Variants in ELMO1 observed in about 807,000 individuals in gnomAD.
The protein encoded by ELMO1 is engulfment and cell motility protein 1.
In ELMO1, 26 loss-of-function variants were observed where a neutral mutation model predicts 98.9. That is an observed-to-expected ratio of 0.26 (90% CI 0.19 to 0.36). ELMO1 has a LOEUF of 0.36. Ranked by LOEUF, ELMO1 falls within the 10% of genes least tolerant of loss-of-function variation. The probability of loss-of-function intolerance (pLI) is 1.00; values close to 1 mark genes in which losing one functional copy is unlikely to be tolerated. For missense variants in ELMO1, 627 were observed against 935.2 expected (o/e 0.67, Z 4.30); for synonymous variants, 346 against 346.0 (o/e 1.00, Z 0.00).
At chr7:37,256,385 G>A (rs1020508337) in intron 6 of ELMO1, among the ~76,000 whole-genome samples, 3 of 151,866 alleles carry the variant, frequency 2.0e-5, no homozygotes, top group Non-Finnish European at 4.4e-5. Flanking sequence ...ACTTGACTGC[G>A]AGTTAAGATC....
chr7:37,117,775 A>G (rs1178675088), intron 14 of ELMO1, among the ~76,000 whole-genome samples: 1 of 152,242 alleles, frequency 6.6e-6, no homozygotes, highest in Non-Finnish European at 1.5e-5. Context: ...TAAATGAATT[A>G]TGAGACAAAG....
chr7:37,426,988 T>C (rs1409307032), intron 1 of ELMO1, among the ~76,000 whole-genome samples: 1 of 151,740 alleles, frequency 6.6e-6, no homozygotes, highest in Non-Finnish European at 1.5e-5. Flanking sequence ...CCAAGATCCT[T>C]CTGCTAAAAA....
intron 1 of ELMO1, chr7:37,375,875 C>A (rs2131370619): frequency 8.6e-6 from 6 of 693,908 alleles, no homozygotes; most frequent in Middle Eastern, 3.8e-4. Flanking sequence ...GCAAGACTCA[C>A]AAGAGGGGAA....
chr7:36,975,654 C>A (rs1790464623), intron 16 of ELMO1, among the ~76,000 whole-genome samples: 1 of 151,956 alleles, frequency 6.6e-6, no homozygotes, highest in East Asian at 1.9e-4. Context: ...CAAGAGCAAC[C>A]TGACCAACAT....
At chr7:36,857,265 G>A (rs558138618) in intron 21 of ELMO1, among the ~76,000 whole-genome samples, 2 of 152,306 alleles carry the variant, frequency 1.3e-5, no homozygotes, top group African/African-American at 4.8e-5. Context: ...TTCTGAACAT[G>A]TCTAACCATC....
At chr7:37,252,331 A>G (rs554659266) in intron 6 of ELMO1, among the ~76,000 whole-genome samples, 73 of 152,240 alleles carry the variant, frequency 4.8e-4, no homozygotes, top group Non-Finnish European at 9.3e-4. Context: ...ACTTCAAACT[A>G]TACTACAAGG....
At chr7:36,951,977 G>C (rs892653652) in intron 16 of ELMO1, among the ~76,000 whole-genome samples, 1 of 152,198 alleles carries the variant, frequency 6.6e-6, no homozygotes, top group African/African-American at 2.4e-5. Flanking sequence ...TGAAGTCAAA[G>C]ACCTCTATGT....
chr7:37,415,679 A>G (rs1804185507), intron 1 of ELMO1, among the ~76,000 whole-genome samples: 1 of 152,230 alleles, frequency 6.6e-6, no homozygotes. Flanking sequence ...TTGATACTGG[A>G]AAAGAAAATA....
intron 1 of ELMO1, among the ~76,000 whole-genome samples, chr7:37,435,953 C>A (rs1057185671): frequency 6.6e-6 from 1 of 152,194 alleles, no homozygotes; most frequent in African/African-American, 2.4e-5. Context: ...TCCAGTGTAG[C>A]AGGTTCAACT....
At chr7:37,384,115 G>A (rs1204424599) in intron 1 of ELMO1, among the ~76,000 whole-genome samples, 2 of 151,924 alleles carry the variant, frequency 1.3e-5, no homozygotes, top group African/African-American at 2.4e-5. Context: ...GTGCCCGGCC[G>A]AAACATACAG....
Position 36,942,947 on chromosome 7 carries a change from C to G in ELMO1, c.1438-47930G>C, listed in dbSNP as rs184561583. Among the ~76,000 whole-genome samples, 711 of 152,362 alleles carry G rather than the reference C, an allele frequency of 4.7e-3. 6 individuals carry two copies. The highest frequency in any genetic ancestry group is 7.8e-3 in the Non-Finnish European group (528 of 68,026). On this transcript the variant is annotated intron_variant, in intron 16 of 21. Coordinates refer to ENST00000310758, the MANE Select transcript of ELMO1 (RefSeq NM_014800.11). ...GGCAGTCCTGACAGCACGCCACTGA[C>G]AGCTTCCAGAATTCTCATGCAGCAA...
rs559180604 is a variant in ELMO1, at chr7:37,432,766, C to T, written c.-74+15909G>A. Among the ~76,000 whole-genome samples, 9 of 152,304 alleles carry T rather than the reference C, an allele frequency of 5.9e-5. No homozygotes were observed. The South Asian group carries it at 1.0e-3, about 18-fold the overall frequency. On this transcript the variant is annotated intron_variant, in intron 1 of 21. Transcript: ENST00000310758. Reference sequence around the variant, plus strand: ...GGGGAGGGAGGGAGGAAAAAACAGACGCTTCAAATTCAACACTGGCTGAAC... The same window carrying T: ...GGGGAGGGAGGGAGGAAAAAACAGATGCTTCAAATTCAACACTGGCTGAAC...
At chr7:36,997,471 T>C (rs932700360) in intron 16 of ELMO1, among the ~76,000 whole-genome samples, 25 of 152,020 alleles carry the variant, frequency 1.6e-4, no homozygotes, top group African/African-American at 5.8e-4. Flanking sequence ...GGTGAATCAG[T>C]AGGACTTGGG....
intron 5 of ELMO1, among the ~76,000 whole-genome samples, chr7:37,265,906 G>A (rs986547992): frequency 1.3e-5 from 2 of 152,090 alleles, no homozygotes; most frequent in South Asian, 4.1e-4. Flanking sequence ...CCAGAGCACC[G>A]GGAGGAACAG....
chr7:36,875,039 C>T (rs1311192662), intron 19 of ELMO1, among the ~76,000 whole-genome samples: 1 of 152,184 alleles, frequency 6.6e-6, no homozygotes, highest in African/African-American at 2.4e-5. Context: ...TCAAGGGGCA[C>T]AAGACACTCT....
At chr7:37,328,786 T>C (rs1477807812) in intron 2 of ELMO1, among the ~76,000 whole-genome samples, 1 of 152,158 alleles carries the variant, frequency 6.6e-6, no homozygotes, top group South Asian at 2.1e-4. Context: ...CAAATCACCA[T>C]CTCCAACCCC....
At chr7:37,437,047 G>T (rs1440156263) in intron 1 of ELMO1, among the ~76,000 whole-genome samples, 2 of 152,086 alleles carry the variant, frequency 1.3e-5, no homozygotes, top group Admixed American at 6.5e-5. Context: ...GGTTCCAAAC[G>T]ATTGAAAAAG....
intron 1 of ELMO1, among the ~76,000 whole-genome samples, chr7:37,355,112 C>G (rs77144276): frequency 0.057 from 8,688 of 152,250 alleles, 345 homozygotes; most frequent in Non-Finnish European, 0.092. Flanking sequence ...CGTCCTTATT[C>G]CCAGAGGAGC....
At chr7:37,411,436 T>C (rs1011049890) in intron 1 of ELMO1, among the ~76,000 whole-genome samples, 5 of 152,236 alleles carry the variant, frequency 3.3e-5, no homozygotes, top group Admixed American at 6.5e-5. Context: ...GAAAAATTAA[T>C]ATCCTCGTGC....
Sources: allele counts gnomAD v4.1 joint callset (sites outside exome capture counted in the v4.1 genomes callset), GRCh38; gene constraint gnomAD v4.1.1; transcripts MANE v1.5; gene names NCBI Gene and HGNC (gene_info 2026-07-23, HGNC 2026-07-21).